Variants in DLST observed in about 807,000 individuals in gnomAD.
The protein encoded by DLST is dihydrolipoyllysine-residue succinyltransferase component of 2-oxoglutarate dehydrogenase complex, mitochondrial.
Under a neutral mutation model 53.1 loss-of-function variants are expected in DLST, and 17 were observed. The ratio of observed to expected loss-of-function variants is 0.32; its 90% CI spans 0.22 to 0.48. The LOEUF is 0.48. Among genes scored for constraint, DLST ranks in the 20% least tolerant of loss-of-function variants. The pLI is 0.99. For synonymous variants in DLST, 206 were observed against 204.8 expected (o/e 1.01, Z -0.05); for missense variants, 512 against 583.9 (o/e 0.88, Z 1.27).
At position 74,881,982 on chromosome 14, in the gene DLST, G is replaced by T. The variant is rs753313643; in HGVS notation, c.29G>T (p.Arg10Leu). The change falls in exon 1 of 15, where the codon CGG becomes CTG. Residue 10 changes from arginine to leucine, a missense_variant. By Grantham distance (102) the Arg-to-Leu change is moderately radical (BLOSUM62 -2). This residue lies in a region of DLST where 129 missense variants were observed against 90.9 expected (regional missense o/e 1.42). Coordinates refer to ENST00000334220, the MANE Select transcript of DLST (RefSeq NM_001933.5). MLSRSRCVSRAFSRSLSAFQ... is the reference protein window; with the variant it reads MLSRSRCVSLAFSRSLSAFQ... ...CTGTCCCGATCCCGCTGTGTGTCTC[G>T]GGCGTTCAGCCGCTCGCTCTCCGCC... The T allele has an allele frequency of 6.4e-7, 1 of 1,572,210 alleles. No individual in the cohort carries two copies. Among genetic ancestry groups the T allele is most frequent in the African/African-American group, 1.4e-5 (1 of 73,326 alleles).
At chr14:74,898,700 C>T (rs999353191) in intron 11 of DLST, among the ~76,000 whole-genome samples, 7 of 152,276 alleles carry the variant, frequency 4.6e-5, no homozygotes, top group African/African-American at 1.7e-4. Flanking sequence ...CTGGGCAGAA[C>T]AGTTTCTCTT....
At chr14:74,888,094 C>T (rs1216494871) in intron 3 of DLST, among the ~76,000 whole-genome samples, 2 of 152,116 alleles carry the variant, frequency 1.3e-5, no homozygotes, top group Admixed American at 6.5e-5. Flanking sequence ...TGGCTTTGTG[C>T]ATACAGGGTG....
chr14:74,894,271 A>G (rs371556375), intron 9 of DLST, 41 bp from the exon 10 acceptor site: 32 of 1,610,178 alleles, frequency 2.0e-5, no homozygotes, highest in East Asian at 4.5e-5. Flanking sequence ...CTTGACCCAG[A>G]GAGATCAGAT....
intron 7 of DLST, chr14:74,891,873 A>G: frequency 3.0e-6 from 3 of 985,250 alleles, no homozygotes; most frequent in Non-Finnish European, 3.6e-6. Context: ...AGAAGCTCAG[A>G]GTAGAAAACA....
intron 3 of DLST, among the ~76,000 whole-genome samples, chr14:74,887,909 T>C (rs1883762466): frequency 6.6e-6 from 1 of 152,280 alleles, no homozygotes; most frequent in East Asian, 1.9e-4. Flanking sequence ...AACTTAAATC[T>C]CTTTTACTTT....
intron 6 of DLST, among the ~76,000 whole-genome samples, 163 bp from the exon 7 acceptor site, chr14:74,890,893 G>A (rs1053865838): frequency 5.3e-4 from 80 of 152,298 alleles, no homozygotes; most frequent in African/African-American, 1.9e-3. Context: ...GGCCAGGCTG[G>A]TCTTGAACTC....
chr14:74,898,475 C>A lies in DLST; in HGVS notation c.877C>A (p.Gln293Lys). ...AFVKASAFAL[Q>K]EQPVVNAVID... ...TGTGAAGGCCTCAGCCTTTGCCTTGCAGGAACAGCCTGTTGTAAATGCAGG... is the reference window on the plus strand; with the variant it reads ...TGTGAAGGCCTCAGCCTTTGCCTTGAAGGAACAGCCTGTTGTAAATGCAGG... The change falls in exon 11 of 15, where the codon CAG becomes AAG. Residue 293 changes from glutamine to lysine, a missense_variant. This residue lies in a region of DLST where 186 missense variants were observed against 260.4 expected (regional missense o/e 0.71). Coordinates refer to ENST00000334220, the MANE Select transcript of DLST (RefSeq NM_001933.5). 6.2e-7 allele frequency: 1 copy of A among 1,614,098 alleles called. No homozygotes were observed.
intron 10 of DLST, among the ~76,000 whole-genome samples, chr14:74,895,079 T>G (rs1884036523): frequency 6.6e-6 from 1 of 152,002 alleles, no homozygotes; most frequent in Non-Finnish European, 1.5e-5. Context: ...ATACAAAAAT[T>G]AGCCAGGTGT....
intron 2 of DLST, among the ~76,000 whole-genome samples, chr14:74,884,561 G>A (rs989361251): frequency 1.3e-5 from 2 of 152,240 alleles, no homozygotes; most frequent in South Asian, 4.2e-4. Context: ...TCAAAATGAG[G>A]TCATTATGGG....
chr14:74,891,588 G>A, intron 7 of DLST: 6 of 989,946 alleles, frequency 6.1e-6, no homozygotes, highest in African/African-American at 3.5e-5. Flanking sequence ...ATTCAGTGTT[G>A]TTTCTTTTCA....
intron 7 of DLST, 25 bp from the exon 8 acceptor site, chr14:74,892,809 G>A: frequency 6.3e-7 from 1 of 1,591,528 alleles, no homozygotes; most frequent in Non-Finnish European, 8.5e-7. Flanking sequence ...CAGTGCCAGT[G>A]GCATATACTT....
rs1884290335 is a variant in DLST at position 74,902,438 on chromosome 14, G to T, written c.*108G>T. 1 of 1,400,654 alleles carries T rather than the reference G, an allele frequency of 7.1e-7. No homozygotes were observed. The highest frequency in any genetic ancestry group is 1.4e-5 in the African/African-American group (1 of 69,904). The allele number at this position is 1,400,654 out of a possible 1,614,324, so 86.8% of individuals were successfully genotyped here. A position where few individuals can be genotyped will look rare whatever the true frequency, so the allele number is the denominator to read the frequency against. ...GCCTGGTGACAGGCAGACACATGCT[G>T]TTGGCCTCAAGCAAGGAAGCAGAGC... On this transcript the variant is annotated 3_prime_UTR_variant, in exon 15 of 15. Transcript: ENST00000334220.
At chr14:74,889,876 A>C in intron 5 of DLST, 21 bp from the exon 6 acceptor site, 1 of 1,613,660 alleles carries the variant, frequency 6.2e-7, no homozygotes, top group South Asian at 1.1e-5. Context: ...GTAGCCTTGT[A>C]GCCTTTGATT....
intron 10 of DLST, 43 bp downstream of exon 10, chr14:74,894,452 T>C: frequency 6.3e-7 from 1 of 1,596,666 alleles, no homozygotes; most frequent in South Asian, 1.1e-5. Flanking sequence ...CCCTTTTTCT[T>C]AGAGAACACG....
At position 74,891,594 on chromosome 14, in the gene DLST, T is replaced by G. The variant is rs1883909512; in HGVS notation, c.442+427T>G. ...TTATGGGGAATTCAGTGTTGTTTCT[T>G]TTCACATCTGTTCTCTCATATCTCT... On this transcript the variant is annotated intron_variant, in intron 7 of 14. Coordinates refer to ENST00000334220, the MANE Select transcript of DLST (RefSeq NM_001933.5). The G allele has an allele frequency of 3.0e-6, 3 of 989,608 alleles. No individual in the cohort carries two copies. In the African/African-American group the frequency reaches 5.2e-5, roughly 17 times the overall value. 61.3% of individuals were successfully genotyped at this position (989,608 alleles called of 1,614,324 possible).
chr14:74,897,896 T>G (rs548442419), intron 10 of DLST, among the ~76,000 whole-genome samples: 2 of 151,816 alleles, frequency 1.3e-5, no homozygotes, highest in Non-Finnish European at 2.9e-5. Flanking sequence ...AATCAAGAGA[T>G]AGGAGGAATA....
At chr14:74,896,881 T>G (rs1179395282) in intron 10 of DLST, among the ~76,000 whole-genome samples, 1 of 152,228 alleles carries the variant, frequency 6.6e-6, no homozygotes, top group Non-Finnish European at 1.5e-5. Flanking sequence ...CAGCAGCTAA[T>G]CAAGGTGTCA....
At chr14:74,893,622 C>T (rs1183060548) in intron 9 of DLST, among the ~76,000 whole-genome samples, 198 bp downstream of exon 9, 9 of 152,172 alleles carry the variant, frequency 5.9e-5, no homozygotes, top group Non-Finnish European at 1.0e-4. Context: ...CTTCTGAACA[C>T]TTGTTCAGTG....
At chr14:74,882,927 A>G (rs1883578661) in intron 2 of DLST, among the ~76,000 whole-genome samples, 1 of 152,232 alleles carries the variant, frequency 6.6e-6, no homozygotes, top group Non-Finnish European at 1.5e-5. Flanking sequence ...CAAGCCAACA[A>G]AGGCAAATTT....
Sources: allele counts gnomAD v4.1 joint callset (sites outside exome capture counted in the v4.1 genomes callset), GRCh38; gene constraint gnomAD v4.1.1; regional missense constraint gnomAD v4.1.1; transcripts MANE v1.5; gene names NCBI Gene and HGNC (gene_info 2026-07-23, HGNC 2026-07-21).